MARS1: variants seen among roughly 807,000 people sequenced by gnomAD.
MARS1 encodes methionyl-tRNA synthetase 1, also known as methionine--tRNA ligase, cytoplasmic.
MARS1 carries 80 observed loss-of-function variants against 119.5 expected under a neutral mutation model. The ratio of observed to expected loss-of-function variants is 0.67; its 90% CI spans 0.56 to 0.81. The LOEUF is 0.81. Ranked by LOEUF, MARS1 falls within the 30% of genes least tolerant of loss-of-function variation. The pLI, the probability that MARS1 is intolerant of heterozygous loss-of-function variation, is 0.00. For missense variants in MARS1, 945 were observed against 1,116.5 expected (o/e 0.85, Z 2.19); for synonymous variants, 418 against 433.4 (o/e 0.96, Z 0.44).
chr12:57,510,249 G>A (rs182138198), intron 11 of MARS1, among the ~76,000 whole-genome samples: 84 of 152,244 alleles, frequency 5.5e-4, no homozygotes, highest in African/African-American at 1.9e-3. Context: ...CAAGGCAGGC[G>A]GATCATGAGG....
rs1227603707 is a variant in MARS1, at chr12:57,498,389, GC to G, written c.888-26del. 5 of 1,608,088 alleles carry G rather than the reference GC, an allele frequency of 3.1e-6. No homozygotes were observed. In the African/African-American group the frequency reaches 4.0e-5, roughly 13 times the overall value. On this transcript the variant is annotated intron_variant, in intron 8 of 20. Transcript: ENST00000262027. ...AAGGACAAGGAAGCGCTGAAGCGGG[GC>G]CCCCTAGCGATCACCATATTCCCTT...
intron 15 of MARS1, 37 bp from the exon 16 acceptor site, chr12:57,514,682 CT>C: frequency 6.2e-7 from 1 of 1,612,808 alleles, no homozygotes; most frequent in Non-Finnish European, 8.5e-7. Context: ...ATAACTTCCC[CT>C]CTTTTTTCCA....
At chr12:57,489,698 C>G in intron 4 of MARS1, 140 bp downstream of exon 4, 1 of 1,290,594 alleles carries the variant, frequency 7.7e-7, no homozygotes, top group African/African-American at 1.5e-5. Flanking sequence ...TCTCTCTAAT[C>G]CTCAATTTTT....
At chr12:57,501,126 C>A (rs1876897418) in intron 10 of MARS1, among the ~76,000 whole-genome samples, 1 of 152,098 alleles carries the variant, frequency 6.6e-6, no homozygotes, top group Non-Finnish European at 1.5e-5. Context: ...GCAAGCCAGG[C>A]AATAAGAGGT....
rs773178801 is a variant in MARS1, at chr12:57,488,197, A to G, written c.107A>G (p.Glu36Gly). The change falls in exon 1 of 21, where the codon GAA becomes GGA. Residue 36 changes from glutamate (E) to glycine (G), a missense_variant and splice_region_variant. Coordinates refer to ENST00000262027, the MANE Select transcript of MARS1 (RefSeq NM_004990.4). ...GTGCTCATCAGCACTGTAGGCCCGGAAGGTACTCGTGCTGGTGCTGGTGGG... is the reference window on the plus strand; with the variant it reads ...GTGCTCATCAGCACTGTAGGCCCGGGAGGTACTCGTGCTGGTGCTGGTGGG... ...AEVLISTVGPEDCVVPFLTRP... is the reference protein window; with the variant it reads ...AEVLISTVGPGDCVVPFLTRP... 6.2e-7 allele frequency: 1 copy of G among 1,610,964 alleles called. No individual in the cohort carries two copies. The highest frequency in any genetic ancestry group is 1.1e-5 in the South Asian group (1 of 91,006).
At chr12:57,488,244 C>A in intron 1 of MARS1, 45 bp downstream of exon 1, 2 of 1,546,830 alleles carry the variant, frequency 1.3e-6, no homozygotes, top group Non-Finnish European at 8.9e-7. Flanking sequence ...GGGGCGGGAC[C>A]GAAACACGCC....
chr12:57,488,168 A>G lies in MARS1; in HGVS notation c.78A>G (p.Ala26=), dbSNP rs1251933954. The change falls in exon 1 of 21, where the codon GCA becomes GCG. Residue 26 remains alanine (A), a synonymous_variant. Coordinates refer to ENST00000262027, the MANE Select transcript of MARS1 (RefSeq NM_004990.4). ...CCGCCGGGAGAGCCCGGGGCAGAGC[A>G]GAGGTGCTCATCAGCACTGTAGGCC... is the stretch of plus-strand genomic sequence containing the variant. ...LAAAGRARGR[A]EVLISTVGPE... is the part of the protein sequence containing the mutation. 5.6e-6 allele frequency: 9 copies of G among 1,614,034 alleles called. No homozygotes were observed. Among genetic ancestry groups the G allele is most frequent in the Non-Finnish European group, 7.6e-6 (9 of 1,180,024 alleles).
At position 57,498,138 on chromosome 12, in the gene MARS1, CTT is replaced by C. The variant is rs1295377749; in HGVS notation, c.771-18_771-17del. 6.4e-7 allele frequency: 1 copy of C among 1,557,666 alleles called. No homozygotes were observed. Among genetic ancestry groups the C allele is most frequent in the East Asian group, 2.2e-5 (1 of 44,622 alleles). On this transcript the variant is annotated splice_polypyrimidine_tract_variant and intron_variant, in intron 7 of 20. Transcript: ENST00000262027. ...CTCACATCCCCCCATGCACTGTTCT[CTT>C]CCTCTTTCCTTACTAGGTTGCCTGT...
chr12:57,507,075 A>G (rs558749467), intron 11 of MARS1, among the ~76,000 whole-genome samples: 1 of 150,422 alleles, frequency 6.6e-6, no homozygotes, highest in East Asian at 2.0e-4. Context: ...GCTGCCTTCA[A>G]GCATCTGTTT....
chr12:57,515,851 G>C lies in MARS1; in HGVS notation c.2392-69G>C, dbSNP rs1263650252. On this transcript the variant is annotated intron_variant, in intron 18 of 20. Coordinates refer to ENST00000262027, the MANE Select transcript of MARS1 (RefSeq NM_004990.4). ...CACATCAGAGATTGGGGTTGGAGAG[G>C]TCATCTGTATAGTCTATGGTAGAGT... The C allele has an allele frequency of 6.8e-6, 8 of 1,171,254 alleles. No homozygotes were observed. In the East Asian group the frequency reaches 7.0e-5, roughly 10 times the overall value. The allele number at this position is 1,171,254 out of a possible 1,614,324, so 72.6% of individuals were successfully genotyped here.
intron 7 of MARS1, among the ~76,000 whole-genome samples, chr12:57,493,810 G>A (rs1417883377): frequency 0.34 from 183 of 544 alleles, 51 homozygotes; most frequent in Non-Finnish European, 0.59. Context: ...ATTATATAAT[G>A]TATATTATAT....
rs1223490451 is a variant in MARS1 at position 57,493,385 on chromosome 12, T to C, written c.770+2741T>C. On this transcript the variant is annotated intron_variant, in intron 7 of 20. Transcript: ENST00000262027. ...GATATGTATAATATATATTATATAA[T>C]ATATTATATATAATATATGTTATAT... 7.5e-5 allele frequency among the ~76,000 whole-genome samples: 2 copies of C among 26,540 alleles called. 1 individual carries two copies. Among genetic ancestry groups the C allele is most frequent in the African/African-American group, 3.8e-4 (2 of 5,330 alleles). 17.4% of individuals were successfully genotyped at this position (26,540 alleles called of 152,430 possible). A position where few individuals can be genotyped will look rare whatever the true frequency, so the allele number is the denominator to read the frequency against.
chr12:57,497,098 ACTC>A (rs1321575356), intron 7 of MARS1, among the ~76,000 whole-genome samples: 16 of 152,286 alleles, frequency 1.1e-4, no homozygotes, highest in South Asian at 6.2e-4. Context: ...AAGGAGCACT[ACTC>A]AATATGGTAC....
intron 4 of MARS1, 152 bp downstream of exon 4, chr12:57,489,710 TC>T: frequency 8.2e-7 from 1 of 1,219,912 alleles, no homozygotes; most frequent in Non-Finnish European, 1.2e-6. Context: ...TCAATTTTTT[TC>T]AGTTGTGAAA....
chr12:57,504,451 G>A (rs913373649), intron 11 of MARS1, 152 bp downstream of exon 11: 1 of 669,066 alleles, frequency 1.5e-6, no homozygotes, highest in Non-Finnish European at 2.6e-6. Context: ...ATAGATTAAA[G>A]GGCACAAAGT....
intron 7 of MARS1, among the ~76,000 whole-genome samples, chr12:57,493,439 TAC>T (rs1385340278): frequency 2.0e-3 from 2 of 1,002 alleles, no homozygotes; most frequent in Admixed American, 0.062. Flanking sequence ...TATAATATAT[TAC>T]ATAATATATA....
intron 7 of MARS1, among the ~76,000 whole-genome samples, chr12:57,492,669 TCACACACACACA>T (rs58931225): frequency 9.8e-4 from 137 of 139,550 alleles, no homozygotes; most frequent in Middle Eastern, 3.5e-3. Flanking sequence ...CGACTCCATT[TCACACACACACA>T]CACACACACA....
In MARS1 at chr12:57,514,993, A is replaced by G. The variant is rs1004552843; in HGVS notation, c.2139A>G (p.Arg713=). The G allele has an allele frequency of 6.2e-7, 1 of 1,614,132 alleles. No homozygotes were observed. The highest frequency in any genetic ancestry group is 8.5e-7 in the Non-Finnish European group (1 of 1,180,026). The change falls in exon 17 of 21, where the codon CGA becomes CGG. Residue 713 remains arginine, a synonymous_variant. Coordinates refer to ENST00000262027, the MANE Select transcript of MARS1 (RefSeq NM_004990.4). ...TGCGCAGTATCCTCACCATATCTCG[A>G]CATGGCAACCAATATATTCAGGTGA... ...DALRSILTIS[R]HGNQYIQVNE...
At chr12:57,496,500 G>A (rs947971504) in intron 7 of MARS1, among the ~76,000 whole-genome samples, 7 of 151,942 alleles carry the variant, frequency 4.6e-5, no homozygotes, top group Non-Finnish European at 2.9e-5. Context: ...AGAATAGGAA[G>A]TACTGCCGTG....
Sources: gnomAD v4.1 joint callset for allele counts (sites outside exome capture counted in the v4.1 genomes callset) on GRCh38, gnomAD v4.1.1 for gene constraint, MANE v1.5 for transcripts, NCBI Gene and HGNC (gene_info 2026-07-23, HGNC 2026-07-21) for gene names.